The following C1QTNF3 variants were observed in gnomAD, a reference collection of about 807,000 sequenced individuals.
C1QTNF3 encodes complement C1q tumor necrosis factor-related protein 3.
Under a neutral mutation model 32.6 loss-of-function variants are expected in C1QTNF3, and 26 were observed. The observed-to-expected ratio is 0.80, with a 90% CI of 0.58 to 1.11. The LOEUF is 1.11. Among genes scored for constraint, C1QTNF3 ranks in the 50% least tolerant of loss-of-function variants. C1QTNF3 has a pLI of 0.00. For missense variants in C1QTNF3, 362 were observed against 398.2 expected (o/e 0.91, Z 0.77); for synonymous variants, 155 against 146.0 (o/e 1.06, Z -0.44).
intron 4 of C1QTNF3, among the ~76,000 whole-genome samples, chr5:34,025,004 T>G (rs1043266571): frequency 1.3e-5 from 2 of 152,198 alleles, no homozygotes; most frequent in African/African-American, 2.4e-5. Flanking sequence ...TCAAGTAAGA[T>G]GAAAGTTGTA....
rs763605813 is a variant in C1QTNF3 at position 34,042,819 on chromosome 5, G to A, written c.303+4C>T. 6.2e-7 allele frequency: 1 copy of A among 1,609,216 alleles called. No homozygotes were observed. The highest frequency in any genetic ancestry group is 8.5e-7 in the Non-Finnish European group (1 of 1,177,032). The stretch of plus-strand genomic sequence containing the variant: ...AAAAATCCTTAGAAGAGAATTCTGA[G>A]TACCTGGCCCCAGAATGTGGTGATC... On this transcript the variant is annotated splice_donor_region_variant and intron_variant, in intron 1 of 5. Coordinates refer to ENST00000382065, the MANE Select transcript of C1QTNF3 (RefSeq NM_181435.6).
the C1QTNF3 span, among the ~76,000 whole-genome samples, chr5:34,081,385 A>G: frequency 6.6e-6 from 1 of 151,724 alleles, no homozygotes; most frequent in South Asian, 2.1e-4. Flanking sequence ...AAAGAAGCAA[A>G]GTTCCAATTT....
chr5:34,153,765 A>G, the C1QTNF3 span, among the ~76,000 whole-genome samples: 5 of 107,316 alleles, frequency 4.7e-5, no homozygotes, highest in East Asian at 3.0e-4. Flanking sequence ...TAGATGACAC[A>G]TTAGTGGGTG....
chr5:34,203,984 C>A, the C1QTNF3 span, among the ~76,000 whole-genome samples: 1 of 151,864 alleles, frequency 6.6e-6, no homozygotes, highest in Non-Finnish European at 1.5e-5. Context: ...CAATTCTAAA[C>A]ACATATGCAT....
chr5:34,059,263 C>T, the C1QTNF3 span, among the ~76,000 whole-genome samples: 4 of 152,100 alleles, frequency 2.6e-5, no homozygotes, highest in Non-Finnish European at 4.4e-5. Context: ...CATGTGTGCA[C>T]GTATCTGGTG....
chr5:34,131,869 A>C, the C1QTNF3 span, among the ~76,000 whole-genome samples: 2 of 152,214 alleles, frequency 1.3e-5, no homozygotes, highest in Non-Finnish European at 2.9e-5. Context: ...TCAAAATATC[A>C]CTACATACCC....
chr5:34,220,493 TACACAC>T, the C1QTNF3 span, among the ~76,000 whole-genome samples: 133 of 145,834 alleles, frequency 9.1e-4, no homozygotes, highest in African/African-American at 2.9e-3. Flanking sequence ...TCAGTTAGCA[TACACAC>T]ACACACACAC....
the C1QTNF3 span, among the ~76,000 whole-genome samples, chr5:34,054,411 T>A: frequency 6.6e-6 from 1 of 152,216 alleles, no homozygotes. Flanking sequence ...AAGGGCTGTG[T>A]AATAAATATT....
chr5:34,109,893 G>A, the C1QTNF3 span, among the ~76,000 whole-genome samples: 1 of 152,292 alleles, frequency 6.6e-6, no homozygotes. Flanking sequence ...CATGTGGTCT[G>A]CACTTCCTCA....
At chr5:34,119,062 AGT>A in the C1QTNF3 span, among the ~76,000 whole-genome samples, 2 of 152,326 alleles carry the variant, frequency 1.3e-5, no homozygotes, top group East Asian at 1.9e-4. Flanking sequence ...CAGCAGAAAA[AGT>A]GTGTTTTTAT....
the C1QTNF3 span, among the ~76,000 whole-genome samples, chr5:34,172,417 A>G: frequency 7.4e-6 from 1 of 134,274 alleles, no homozygotes; most frequent in Non-Finnish European, 1.6e-5. Flanking sequence ...ACCAGGGAAA[A>G]CAGCCATGTA....
chr5:34,223,479 T>C, the C1QTNF3 span, among the ~76,000 whole-genome samples: 2 of 150,312 alleles, frequency 1.3e-5, no homozygotes, highest in Non-Finnish European at 3.0e-5. Flanking sequence ...GCAATAAACA[T>C]ACGTGTGCAT....
intron 1 of C1QTNF3, among the ~76,000 whole-genome samples, chr5:34,039,587 T>TA (rs777717625): frequency 6.6e-6 from 1 of 152,148 alleles, no homozygotes; most frequent in Non-Finnish European, 1.5e-5. Flanking sequence ...GAAGGGTGTG[T>TA]AAGCATGCAT....
At chr5:34,243,654 G>C in the C1QTNF3 span, among the ~76,000 whole-genome samples, 2 of 151,954 alleles carry the variant, frequency 1.3e-5, no homozygotes, top group African/African-American at 4.8e-5. Flanking sequence ...ATGAAATTAT[G>C]TCCTTTGCAG....
the C1QTNF3 span, among the ~76,000 whole-genome samples, chr5:34,221,242 T>C: frequency 6.6e-6 from 1 of 152,132 alleles, no homozygotes; most frequent in Non-Finnish European, 1.5e-5. Context: ...CCTATATTTA[T>C]CTATACATAA....
chr5:34,037,784 ATT>A (rs1408885247), intron 1 of C1QTNF3, among the ~76,000 whole-genome samples: 1 of 152,168 alleles, frequency 6.6e-6, no homozygotes, highest in Admixed American at 6.5e-5. Flanking sequence ...TATCTGAGGG[ATT>A]TCAGGACACT....
chr5:34,219,059 C>CT, the C1QTNF3 span, among the ~76,000 whole-genome samples: 1 of 151,942 alleles, frequency 6.6e-6, no homozygotes, highest in Non-Finnish European at 1.5e-5. Flanking sequence ...ATTTTGAATA[C>CT]TTTTTTTAAA....
At chr5:34,021,075 G>A (rs111591808) in intron 5 of C1QTNF3, among the ~76,000 whole-genome samples, 41 of 152,290 alleles carry the variant, frequency 2.7e-4, no homozygotes, top group East Asian at 3.9e-4. Flanking sequence ...AACAACCTTG[G>A]GCTGTTTGAT....
At chr5:34,158,422 C>CGAA in the C1QTNF3 span, 1 of 152,052 alleles carries the variant, frequency 6.6e-6, no homozygotes, top group Admixed American at 6.6e-5. Context: ...TGCTCTTTTT[C>CGAA]AGGTGGCCAA....
Sources: allele counts gnomAD v4.1 joint callset (sites outside exome capture counted in the v4.1 genomes callset), GRCh38; gene constraint gnomAD v4.1.1; transcripts MANE v1.5; gene names NCBI Gene and HGNC (gene_info 2026-07-23, HGNC 2026-07-21).